The following RYR3 variants were observed in gnomAD, a reference collection of about 807,000 sequenced individuals.
RYR3 encodes the protein ryanodine receptor 3, also known as brain ryanodine receptor-calcium release channel.
In RYR3, 207 loss-of-function variants were observed where a neutral mutation model predicts 584.3. The ratio of observed to expected loss-of-function variants is 0.35; its 90% CI spans 0.32 to 0.40. The LOEUF (loss-of-function observed/expected upper bound fraction) is 0.40, where lower values mean the gene tolerates loss of function less well. Ranked by LOEUF, RYR3 falls within the 10% of genes least tolerant of loss-of-function variation. The probability of loss-of-function intolerance (pLI) is 1.00; values close to 1 mark genes in which losing one functional copy is unlikely to be tolerated. For missense variants in RYR3, 5,616 were observed against 6,089.2 expected (o/e 0.92, Z 2.59); for synonymous variants, 2,416 against 2,248.5 (o/e 1.07, Z -2.11).
chr15:33,718,018 G>T (rs1055626736), intron 43 of RYR3, among the ~76,000 whole-genome samples: 6 of 152,156 alleles, frequency 3.9e-5, no homozygotes, highest in African/African-American at 1.4e-4. Context: ...GTTCATACAA[G>T]TTGCCTGGCA....
chr15:33,513,065 A>G (rs1271441617), intron 3 of RYR3, among the ~76,000 whole-genome samples: 1 of 152,224 alleles, frequency 6.6e-6, no homozygotes, highest in African/African-American at 2.4e-5. Flanking sequence ...TTTTGGGGAA[A>G]TCTTTTAAGA....
intron 102 of RYR3, among the ~76,000 whole-genome samples, 179 bp downstream of exon 102, chr15:33,861,357 T>G (rs1888137026): frequency 6.6e-6 from 1 of 152,190 alleles, no homozygotes; most frequent in Non-Finnish European, 1.5e-5. Context: ...ACGTGTGTTG[T>G]GGACAATTCC....
intron 83 of RYR3, 115 bp from the exon 84 acceptor site, chr15:33,826,557 C>A (rs779988384): frequency 1.0e-4 from 97 of 969,722 alleles, no homozygotes; most frequent in Middle Eastern, 2.1e-4. Context: ...ATCCAAAGTT[C>A]CTTTTCCAAA....
intron 1 of RYR3, among the ~76,000 whole-genome samples, chr15:33,426,067 G>C (rs1180794782): frequency 6.6e-6 from 1 of 152,162 alleles, no homozygotes; most frequent in Non-Finnish European, 1.5e-5. Context: ...CTACAAATCA[G>C]TAGCATTATT....
At chr15:33,773,710 G>A in intron 64 of RYR3, 95 bp downstream of exon 64, 1 of 827,080 alleles carries the variant, frequency 1.2e-6, no homozygotes, top group Non-Finnish European at 2.0e-6. Flanking sequence ...AATCCAGCAA[G>A]ACCAAAATGC....
chr15:33,702,339 C>T (rs2066365932), intron 42 of RYR3, among the ~76,000 whole-genome samples: 1 of 152,210 alleles, frequency 6.6e-6, no homozygotes, highest in Non-Finnish European at 1.5e-5. Context: ...TGAACAGAAA[C>T]AAGTCTTGAG....
At chr15:33,502,052 A>G (rs1039970540) in intron 2 of RYR3, among the ~76,000 whole-genome samples, 7 of 152,310 alleles carry the variant, frequency 4.6e-5, no homozygotes, top group Middle Eastern at 6.8e-3. Flanking sequence ...CTTGAGTAGA[A>G]AAGTATTTAA....
intron 1 of RYR3, among the ~76,000 whole-genome samples, chr15:33,414,977 C>G (rs190665199): frequency 1.3e-5 from 2 of 152,302 alleles, no homozygotes; most frequent in East Asian, 3.9e-4. Flanking sequence ...GGCACCCCCT[C>G]AAATATGTCA....
intron 18 of RYR3, among the ~76,000 whole-genome samples, chr15:33,607,920 A>G (rs1015042471): frequency 2.0e-5 from 3 of 152,158 alleles, no homozygotes; most frequent in African/African-American, 4.8e-5. Flanking sequence ...TATGAGGTAG[A>G]CGTTATTCCT....
Position 33,865,353 on chromosome 15 carries a change from G to T in RYR3, c.*127G>T. On this transcript the variant is annotated 3_prime_UTR_variant, in exon 104 of 104. Transcript: ENST00000634891. ...AAATGCCTCCCTTAAAAAAAAAACT[G>T]CTGAAAATCTGTGCTATTTTGAAAT... is the stretch of plus-strand genomic sequence containing the variant. The T allele has an allele frequency of 1.5e-6, 1 of 670,524 alleles. No individual in the cohort carries two copies. The highest frequency in any genetic ancestry group is 2.5e-6 in the Non-Finnish European group (1 of 397,564). 41.5% of individuals were successfully genotyped at this position (670,524 alleles called of 1,614,324 possible).
In RYR3 at chr15:33,311,059, G is replaced by T. The variant is rs771419772; in HGVS notation, c.14G>T (p.Gly5Val). The change falls in exon 1 of 104, where the codon GGA becomes GTA. Residue 5 changes from glycine (G) to valine (V), a missense_variant. Gly to Val is a moderately radical substitution (Grantham distance 109). Transcript: ENST00000634891. This position sits in a 1 kb window ranked among gnomAD's most constrained non-coding sequence, Gnocchi z 4.4. ...GCCTCGGGAGCCATGGCCGAAGGGG[G>T]AGAAGGAGGCGAGGACGAGATCCAG... is the stretch of plus-strand genomic sequence containing the variant. Reference protein sequence around the residue: MAEGGEGGEDEIQFL... With the variant: MAEGVEGGEDEIQFL... The T allele has an allele frequency of 1.9e-6, 3 of 1,583,560 alleles. No individual in the cohort carries two copies. Among genetic ancestry groups the T allele is most frequent in the Non-Finnish European group, 2.6e-6 (3 of 1,166,868 alleles).
intron 12 of RYR3, among the ~76,000 whole-genome samples, chr15:33,578,850 G>T (rs2058449978): frequency 6.6e-6 from 1 of 151,912 alleles, no homozygotes; most frequent in Middle Eastern, 3.2e-3. Flanking sequence ...AGGGCCTTAT[G>T]ATGCAAACCC....
intron 1 of RYR3, among the ~76,000 whole-genome samples, chr15:33,320,399 G>GGT (rs902276724): frequency 7.2e-5 from 11 of 152,074 alleles, no homozygotes; most frequent in Non-Finnish European, 1.5e-5. Context: ...AAGAAAGCAG[G>GGT]GTGTGCATTC....
At position 33,864,867 on chromosome 15, in the gene RYR3, T is replaced by C. The variant is rs1224610637; in HGVS notation, c.14518-264T>C. On this transcript the variant is annotated intron_variant, in intron 103 of 103. Transcript: ENST00000634891. ...TTGCTAAATCTTTAAGTATGTTTAGTGGCAAACATTGATTGGTTTCAGTTT... is the reference window on the plus strand; with the variant it reads ...TTGCTAAATCTTTAAGTATGTTTAGCGGCAAACATTGATTGGTTTCAGTTT... 1.2e-5 allele frequency: 5 copies of C among 419,750 alleles called. No homozygotes were observed. In the East Asian group the frequency reaches 1.9e-4, roughly 16 times the overall value. 26.0% of individuals were successfully genotyped at this position (419,750 alleles called of 1,614,324 possible). A position where few individuals can be genotyped will look rare whatever the true frequency, so the allele number is the denominator to read the frequency against.
chr15:33,450,244 T>A (rs2339275), intron 1 of RYR3, among the ~76,000 whole-genome samples: 103,725 of 151,428 alleles, frequency 0.68, 37,057 homozygotes, highest in African/African-American at 0.92. Context: ...AGATTTTGTG[T>A]TGTCCTTAGA....
At chr15:33,758,509 T>C (rs901335912) in intron 60 of RYR3, among the ~76,000 whole-genome samples, 1 of 152,028 alleles carries the variant, frequency 6.6e-6, no homozygotes, top group African/African-American at 2.4e-5. Context: ...CCCCTCACAG[T>C]ATAAACAAAG....
At chr15:33,637,865 A>G (rs1247328766) in intron 27 of RYR3, among the ~76,000 whole-genome samples, 1 of 151,994 alleles carries the variant, frequency 6.6e-6, no homozygotes, top group Non-Finnish European at 1.5e-5. Flanking sequence ...GGTTTGTTAC[A>G]TATGTATACA....
chr15:33,786,036 C>G, intron 66 of RYR3, 54 bp downstream of exon 66: 1 of 1,356,460 alleles, frequency 7.4e-7, no homozygotes, highest in Non-Finnish European at 1.0e-6. Context: ...TAACTGGATT[C>G]TTTTTTCATC....
chr15:33,585,641 C>A (rs1261461423), intron 15 of RYR3, among the ~76,000 whole-genome samples: 1 of 152,134 alleles, frequency 6.6e-6, no homozygotes, highest in African/African-American at 2.4e-5. Flanking sequence ...TGGACGTCTT[C>A]TCTTGTATCT....
Sources: gnomAD v4.1 joint callset for allele counts (sites outside exome capture counted in the v4.1 genomes callset) on GRCh38, gnomAD v4.1.1 for gene constraint, Gnocchi (gnomAD v3.1) non-coding constraint, MANE v1.5 for transcripts, NCBI Gene and HGNC (gene_info 2026-07-23, HGNC 2026-07-21) for gene names.